The following NT5E variants were observed in gnomAD, a reference collection of about 807,000 sequenced individuals.
The protein encoded by NT5E is 5'-nucleotidase ecto.
In NT5E, 53 loss-of-function variants were observed where a neutral mutation model predicts 55.1. The ratio of observed to expected loss-of-function variants is 0.96; its 90% CI spans 0.77 to 1.21. NT5E has a LOEUF of 1.21. NT5E is among the 50% of genes most tolerant of loss of function. The pLI is 0.00. For synonymous variants in NT5E, 270 were observed against 278.4 expected, an observed-to-expected ratio of 0.97 and a Z score of 0.30; for missense variants, 683 against 724.3, an observed-to-expected ratio of 0.94 and a Z score of 0.65.
intron 2 of NT5E, among the ~76,000 whole-genome samples, chr6:85,469,295 T>C (rs1033971190): frequency 1.3e-5 from 2 of 152,144 alleles, no homozygotes; most frequent in Admixed American, 1.3e-4. Flanking sequence ...GAATTTTTTT[T>C]CCTTCTTGGC....
chr6:85,450,584 G>C lies in NT5E; in HGVS notation c.339+106G>C. 1 of 1,062,754 alleles carries C rather than the reference G, an allele frequency of 9.4e-7. No homozygotes were observed. Among genetic ancestry groups the C allele is most frequent in the Non-Finnish European group, 1.4e-6 (1 of 712,144 alleles). 65.8% of individuals were successfully genotyped at this position (1,062,754 alleles called of 1,614,324 possible). On this transcript the variant is annotated intron_variant, in intron 1 of 8. Coordinates refer to ENST00000257770, the MANE Select transcript of NT5E (RefSeq NM_002526.4). This position sits in a 1 kb window ranked among gnomAD's most constrained non-coding sequence, Gnocchi z 4.0. Reference sequence around the variant, plus strand: ...GTGGCAAGCCTAGGTCCAGGGCGCGGAGAGATGTGGGGATAAAGTGAGACT... The same window carrying C: ...GTGGCAAGCCTAGGTCCAGGGCGCGCAGAGATGTGGGGATAAAGTGAGACT...
At chr6:85,460,793 G>A (rs988070028) in intron 1 of NT5E, among the ~76,000 whole-genome samples, 9 of 152,174 alleles carry the variant, frequency 5.9e-5, no homozygotes, top group African/African-American at 2.2e-4. Flanking sequence ...CAAGAGGAAT[G>A]AAAACACGTG....
intron 3 of NT5E, among the ~76,000 whole-genome samples, chr6:85,478,221 T>C (rs1381998240): frequency 6.6e-6 from 1 of 152,202 alleles, no homozygotes; most frequent in East Asian, 1.9e-4. Context: ...CACATAACAC[T>C]GATCCATTTT....
intron 4 of NT5E, 93 bp from the exon 5 acceptor site, chr6:85,487,242 A>C: frequency 8.5e-7 from 1 of 1,171,066 alleles, no homozygotes. Flanking sequence ...ATATGTTCTC[A>C]CAGCAAGTAA....
In NT5E at chr6:85,467,126, A is replaced by G. The variant is rs762886777; in HGVS notation, c.406A>G (p.Lys136Glu). The change falls in exon 2 of 9, where the codon AAA becomes GAA. Residue 136 changes from lysine to glutamate, a missense_variant. Coordinates refer to ENST00000257770, the MANE Select transcript of NT5E (RefSeq NM_002526.4). ...GATCGAGCCACTCCTCAAAGAGGCC[A>G]AATTTCCAATTCTGAGTGCAAACAT... The part of the protein sequence containing the change: ...GLIEPLLKEA[K>E]FPILSANIKA... The G allele has an allele frequency of 4.3e-6, 7 of 1,614,100 alleles. No individual in the cohort carries two copies. In the East Asian group the frequency reaches 6.7e-5, roughly 15 times the overall value.
intron 3 of NT5E, among the ~76,000 whole-genome samples, chr6:85,477,467 C>T (rs1403833534): frequency 1.3e-5 from 2 of 152,036 alleles, no homozygotes; most frequent in Non-Finnish European, 2.9e-5. Flanking sequence ...GCTCTTAAAA[C>T]AAATGGAGCT....
In NT5E at chr6:85,471,321, T is replaced by TGCAC. The variant is rs1769301657; in HGVS notation, c.647_648insGCAC (p.Ile216MetfsTer10). The stretch of plus-strand genomic sequence containing the variant: ...AAAACTCTAAATGTGAACAAAATTA[T>TGCAC]TGCACTGGGACATTCGGGTTTTGAA... On this transcript the variant is annotated frameshift_variant, in exon 3 of 9. Transcript: ENST00000257770. LOFTEE classifies it high-confidence loss of function. The TGCAC allele has an allele frequency of 6.2e-7, 1 of 1,612,952 alleles. No homozygotes were observed.
chr6:85,486,986 G>A (rs546022891), intron 4 of NT5E, among the ~76,000 whole-genome samples: 3 of 152,296 alleles, frequency 2.0e-5, no homozygotes, highest in African/African-American at 4.8e-5. Context: ...CACTGACAGC[G>A]ATAGCCCAGC....
chr6:85,467,863 T>C (rs151086247), intron 2 of NT5E, among the ~76,000 whole-genome samples: 3 of 151,634 alleles, frequency 2.0e-5, no homozygotes, highest in Middle Eastern at 3.5e-3. Context: ...TATGTATATA[T>C]AATATATATA....
chr6:85,472,649 C>T (rs1769339126), intron 3 of NT5E, among the ~76,000 whole-genome samples: 1 of 152,158 alleles, frequency 6.6e-6, no homozygotes, highest in Non-Finnish European at 1.5e-5. Context: ...TATGTGAAAG[C>T]AGTTTATAAA....
rs780089112 is a variant in NT5E, at chr6:85,488,555, TTTTA to T, written c.1105-922_1105-919del. The stretch of plus-strand genomic sequence containing the variant: ...GCTAGGACAAAGGAGAGCTTTTGCT[TTTTA>T]TTTATTTATTTATTTAATTAATTAA... On this transcript the variant is annotated intron_variant, in intron 5 of 8. Transcript: ENST00000257770. Among the ~76,000 whole-genome samples, 173 of 152,158 alleles carry T rather than the reference TTTTA, an allele frequency of 1.1e-3. 1 individual carries two copies. Among genetic ancestry groups the T allele is most frequent in the Non-Finnish European group, 1.7e-3 (113 of 68,004 alleles).
chr6:85,452,026 C>T (rs1403728821), intron 1 of NT5E, among the ~76,000 whole-genome samples: 1 of 152,338 alleles, frequency 6.6e-6, no homozygotes, highest in East Asian at 1.9e-4. Context: ...GTGGGGCTCA[C>T]ACACATCTGG....
At chr6:85,491,046 T>A (rs759076500) in intron 7 of NT5E, 2 of 531,956 alleles carry the variant, frequency 3.8e-6, no homozygotes, top group Non-Finnish European at 3.9e-6. Flanking sequence ...TTTAAAGGAA[T>A]GCTGTCCAAT....
At chr6:85,455,697 G>A (rs948931328) in intron 1 of NT5E, among the ~76,000 whole-genome samples, 6 of 152,208 alleles carry the variant, frequency 3.9e-5, no homozygotes, top group African/African-American at 1.4e-4. Context: ...CCTCAGGCTT[G>A]TGATCAGCCT....
rs758049062 is a variant in NT5E at position 85,492,148 on chromosome 6, T to C, written c.1532T>C (p.Ile511Thr). 6 of 1,614,120 alleles carry C rather than the reference T, an allele frequency of 3.7e-6. No homozygotes were observed. Among genetic ancestry groups the C allele is most frequent in the Non-Finnish European group, 5.1e-6 (6 of 1,179,982 alleles). Reference protein sequence around the residue: ...LANGGDGFQMIKDELLRHDSG... With the variant: ...LANGGDGFQMTKDELLRHDSG... ...AATGGTGGAGATGGGTTCCAGATGA[T>C]AAAAGATGAATTATTAAGACATGAC... Residue 511 changes from isoleucine (I) to threonine (T), a missense_variant, in exon 8 of 9, where the codon ATA becomes ACA. Coordinates refer to ENST00000257770, the MANE Select transcript of NT5E (RefSeq NM_002526.4).
rs373210294 is a variant in NT5E at position 85,450,508 on chromosome 6, A to C, written c.339+30A>C. 39 of 1,548,624 alleles carry C rather than the reference A, an allele frequency of 2.5e-5. No individual in the cohort carries two copies. Among genetic ancestry groups the C allele is most frequent in the Non-Finnish European group, 3.0e-5 (34 of 1,140,298 alleles). On this transcript the variant is annotated intron_variant, in intron 1 of 8. Coordinates refer to ENST00000257770, the MANE Select transcript of NT5E (RefSeq NM_002526.4). The surrounding 1 kb of genome is among the most constrained non-coding windows in gnomAD (Gnocchi z 4.0). ...GACCCGAGCCCGCGCCCGGGATAGTAGTCCCGGACTGAGAGAGGAGCCGGG... is the reference window on the plus strand; with the variant it reads ...GACCCGAGCCCGCGCCCGGGATAGTCGTCCCGGACTGAGAGAGGAGCCGGG...
rs895605677 is a variant in NT5E at position 85,495,658 on chromosome 6, T to C, written c.*1654T>C. Reference sequence around the variant, plus strand: ...GGCCAGTAAAATAGGGTAAATCCTATTAGAATTTTTTAAAGAACTTTTTTT... The same window carrying C: ...GGCCAGTAAAATAGGGTAAATCCTACTAGAATTTTTTAAAGAACTTTTTTT... On this transcript the variant is annotated 3_prime_UTR_variant, in exon 9 of 9. Coordinates refer to ENST00000257770, the MANE Select transcript of NT5E (RefSeq NM_002526.4). The C allele has an allele frequency of 2.0e-5, 3 of 152,228 alleles. No individual in the cohort carries two copies. Among genetic ancestry groups the C allele is most frequent in the Non-Finnish European group, 4.4e-5 (3 of 68,042 alleles). The allele number at this position is 152,228 out of a possible 1,614,324, so 9.4% of individuals were successfully genotyped here. A position where few individuals can be genotyped will look rare whatever the true frequency, so the allele number is the denominator to read the frequency against.
chr6:85,488,559 A>G (rs1562145411), intron 5 of NT5E, among the ~76,000 whole-genome samples: 1 of 151,608 alleles, frequency 6.6e-6, no homozygotes, highest in Non-Finnish European at 1.5e-5. Flanking sequence ...TTTGCTTTTT[A>G]TTTATTTATT....
chr6:85,486,026 G>T (rs1243930109), intron 4 of NT5E, among the ~76,000 whole-genome samples: 1 of 152,202 alleles, frequency 6.6e-6, no homozygotes, highest in East Asian at 1.9e-4. Flanking sequence ...TGGTCCTGCG[G>T]TGCCAACAAT....
Sources: gnomAD v4.1 joint callset for allele counts (sites outside exome capture counted in the v4.1 genomes callset) on GRCh38, gnomAD v4.1.1 for gene constraint, Gnocchi (gnomAD v3.1) non-coding constraint, MANE v1.5 for transcripts, NCBI Gene and HGNC (gene_info 2026-07-23, HGNC 2026-07-21) for gene names.